KCNH1: variants seen among roughly 807,000 people sequenced by gnomAD.
KCNH1 encodes the protein voltage-gated delayed rectifier potassium channel KCNH1.
A neutral mutation model predicts 69.2 loss-of-function variants in KCNH1; 27 were observed. The observed-to-expected ratio is 0.39, with a 90% confidence interval of 0.29 to 0.54. The LOEUF is 0.54. KCNH1 is among the 20% of genes least tolerant of loss of function. KCNH1 has a pLI of 0.68. For synonymous variants in KCNH1, 456 were observed against 487.7 expected (o/e 0.93, Z 0.86); for missense variants, 798 against 1,261.6 (o/e 0.63, Z 5.57).
In KCNH1 at chr1:210,919,593, G is replaced by A; in HGVS notation, c.1462+47C>T. ...CACTGTAGCCATTTCCCTGTTTCCA[G>A]CTAACAGAAGAGATGGCCAACCCCA... is the stretch of plus-strand genomic sequence containing the variant. On this transcript the variant is annotated intron_variant, in intron 7 of 10. Transcript: ENST00000271751. The surrounding 1 kb of genome is among the most constrained non-coding windows in gnomAD (Gnocchi z 4.2). 1.3e-6 allele frequency: 2 copies of A among 1,525,406 alleles called. No individual in the cohort carries two copies. Among genetic ancestry groups the A allele is most frequent in the East Asian group, 2.3e-5 (1 of 44,192 alleles). 94.5% of individuals were successfully genotyped at this position (1,525,406 alleles called of 1,614,324 possible).
chr1:210,786,594 C>T (rs1684108713), intron 9 of KCNH1, among the ~76,000 whole-genome samples: 2 of 152,108 alleles, frequency 1.3e-5, no homozygotes, highest in Admixed American at 1.3e-4. Flanking sequence ...TGTTCTCAGC[C>T]TCTCCCCTGG....
At chr1:211,047,508 A>C (rs1428876370) in intron 5 of KCNH1, among the ~76,000 whole-genome samples, 1 of 152,164 alleles carries the variant, frequency 6.6e-6, no homozygotes, top group Admixed American at 6.5e-5. Flanking sequence ...TGAAAGCCGA[A>C]CCTGGCAAAG....
chr1:210,899,128 T>C (rs75441993), intron 7 of KCNH1, among the ~76,000 whole-genome samples: 7,833 of 152,248 alleles, frequency 0.051, 270 homozygotes, highest in Middle Eastern at 0.092. Context: ...CTGAGACCCT[T>C]TCAGGGGTCC....
At chr1:211,085,685 C>T (rs986903012) in intron 4 of KCNH1, among the ~76,000 whole-genome samples, 1 of 152,086 alleles carries the variant, frequency 6.6e-6, no homozygotes, top group Non-Finnish European at 1.5e-5. Flanking sequence ...GTTTGGATGA[C>T]GACTGGGGTG....
chr1:210,722,448 A>G (rs1197251835), intron 10 of KCNH1, among the ~76,000 whole-genome samples: 1 of 152,000 alleles, frequency 6.6e-6, no homozygotes, highest in African/African-American at 2.4e-5. Context: ...ATAGCCAGGG[A>G]ATGAAGGAAA....
At chr1:210,986,950 T>C (rs1238287222) in intron 6 of KCNH1, among the ~76,000 whole-genome samples, 1 of 152,228 alleles carries the variant, frequency 6.6e-6, no homozygotes, top group Non-Finnish European at 1.5e-5. Context: ...TCTTTTCACA[T>C]AGTCCCATGT....
At chr1:210,947,644 T>C (rs1474623869) in intron 6 of KCNH1, among the ~76,000 whole-genome samples, 1 of 151,718 alleles carries the variant, frequency 6.6e-6, no homozygotes, top group Non-Finnish European at 1.5e-5. Flanking sequence ...GTCATATATA[T>C]GATGTTCACT....
chr1:211,104,146 C>G (rs1691312450), intron 2 of KCNH1, among the ~76,000 whole-genome samples: 1 of 152,090 alleles, frequency 6.6e-6, no homozygotes, highest in African/African-American at 2.4e-5. Context: ...AAATTTGCAA[C>G]AGATAATATA....
Position 211,090,651 on chromosome 1 carries a change from C to T in KCNH1, c.350G>A (p.Arg117Gln), listed in dbSNP as rs758851821. 3.1e-6 allele frequency: 5 copies of T among 1,607,086 alleles called. No homozygotes were observed. Among genetic ancestry groups the T allele is most frequent in the South Asian group, 1.1e-5 (1 of 88,836 alleles). ...VWFFVKIAPI[R>Q]NEQDKVVLFL... ...TAAAACCACTTTATCCTGTTCGTTTCGAATTGGAGCAATTTTCACAAAGAA... is the reference window on the plus strand; with the variant it reads ...TAAAACCACTTTATCCTGTTCGTTTTGAATTGGAGCAATTTTCACAAAGAA... The change falls in exon 4 of 11, where the codon CGA becomes CAA. Residue 117 changes from arginine to glutamine, a missense_variant. Arg to Gln is a conservative substitution (Grantham distance 43). Transcript: ENST00000271751.
intron 5 of KCNH1, among the ~76,000 whole-genome samples, chr1:211,050,141 T>A (rs935730018): frequency 6.6e-6 from 1 of 151,840 alleles, no homozygotes; most frequent in Non-Finnish European, 1.5e-5. Context: ...GGTACACCCA[T>A]GCCAGCACCT....
intron 1 of KCNH1, among the ~76,000 whole-genome samples, chr1:211,109,219 C>G (rs1239925382): frequency 1.3e-5 from 2 of 152,140 alleles, no homozygotes; most frequent in Admixed American, 6.5e-5. Context: ...GGCAGAGGAT[C>G]CAGCATGGGC....
chr1:210,900,370 T>C (rs927732578), intron 7 of KCNH1, among the ~76,000 whole-genome samples: 1 of 152,180 alleles, frequency 6.6e-6, no homozygotes, highest in Non-Finnish European at 1.5e-5. Context: ...ATTTACAAGT[T>C]CTTTTTGTTG....
intron 7 of KCNH1, among the ~76,000 whole-genome samples, chr1:210,843,237 G>A (rs542467709): frequency 6.6e-6 from 1 of 152,282 alleles, no homozygotes; most frequent in African/African-American, 2.4e-5. Flanking sequence ...CAAGAAATAT[G>A]GGAGTGGCGC....
chr1:211,033,563 A>C (rs950949018), intron 5 of KCNH1, among the ~76,000 whole-genome samples: 6 of 152,210 alleles, frequency 3.9e-5, no homozygotes, highest in African/African-American at 1.2e-4. Flanking sequence ...GCACATATAC[A>C]CCACGGAATA....
chr1:210,717,053 G>C (rs1218989123), intron 10 of KCNH1, among the ~76,000 whole-genome samples: 1 of 152,118 alleles, frequency 6.6e-6, no homozygotes, highest in Non-Finnish European at 1.5e-5. Context: ...ACCACATACT[G>C]ATTAATTTCT....
chr1:210,749,437 G>T (rs1041091715), intron 10 of KCNH1, among the ~76,000 whole-genome samples: 1 of 152,136 alleles, frequency 6.6e-6, no homozygotes, highest in Non-Finnish European at 1.5e-5. Flanking sequence ...TACCCACAGG[G>T]CCCTAGTGGT....
chr1:211,045,739 A>T lies in KCNH1; in HGVS notation c.559-26483T>A. ...CCTCTTAGCAAATTTTTAAGTATAC[A>T]ATATTATTAACTATAGTCACTATGC... On this transcript the variant is annotated intron_variant, in intron 5 of 10. Coordinates refer to ENST00000271751, the MANE Select transcript of KCNH1 (RefSeq NM_172362.3). Among the ~76,000 whole-genome samples, 2 of 152,288 alleles carry T rather than the reference A, an allele frequency of 1.3e-5. 1 individual carries two copies. The highest frequency in any genetic ancestry group is 4.1e-4 in the South Asian group (2 of 4,830).
intron 7 of KCNH1, among the ~76,000 whole-genome samples, chr1:210,826,107 A>AT (rs1373203932): frequency 6.6e-6 from 1 of 152,098 alleles, no homozygotes; most frequent in Non-Finnish European, 1.5e-5. Context: ...AATTTGTTAC[A>AT]TTTTCACAAA....
intron 6 of KCNH1, among the ~76,000 whole-genome samples, chr1:210,998,379 A>T (rs1407162391): frequency 6.6e-6 from 1 of 152,236 alleles, no homozygotes; most frequent in African/African-American, 2.4e-5. Context: ...CTGATAAAAC[A>T]AACTTTAAAG....
Sources: gnomAD v4.1 joint callset for allele counts (sites outside exome capture counted in the v4.1 genomes callset) on GRCh38, gnomAD v4.1.1 for gene constraint, Gnocchi (gnomAD v3.1) non-coding constraint, MANE v1.5 for transcripts, NCBI Gene and HGNC (gene_info 2026-07-23, HGNC 2026-07-21) for gene names.